The following PLLP variants were observed in gnomAD, a reference collection of about 807,000 sequenced individuals.
PLLP encodes plasmolipin.
In PLLP, 15 loss-of-function variants were observed where a neutral mutation model predicts 19.7. That is an observed-to-expected ratio of 0.76 (90% CI 0.51 to 1.17). The LOEUF is 1.17. Ranked by LOEUF, PLLP falls within the 50% of genes most tolerant of loss-of-function variation. PLLP has a pLI of 0.00. For synonymous variants in PLLP, 111 were observed against 116.3 expected, an observed-to-expected ratio of 0.95 and a Z score of 0.29; for missense variants, 255 against 258.3, an observed-to-expected ratio of 0.99 and a Z score of 0.09.
chr16:57,256,655 TC>T lies in PLLP; in HGVS notation c.*257del. 1 of 467,994 alleles carries T rather than the reference TC, an allele frequency of 2.1e-6. No individual in the cohort carries two copies. The allele number at this position is 467,994 out of a possible 1,614,324, so 29.0% of individuals were successfully genotyped here. A position where few individuals can be genotyped will look rare whatever the true frequency, so the allele number is the denominator to read the frequency against. ...GACAAGGCAGAGACACAGCCTCAGA[TC>T]CCCCGTCATCTTCCACTGAATAAGG... On this transcript the variant is annotated 3_prime_UTR_variant, in exon 4 of 4. Coordinates refer to ENST00000219207, the MANE Select transcript of PLLP (RefSeq NM_015993.3).
intron 1 of PLLP, among the ~76,000 whole-genome samples, chr16:57,281,116 G>C (rs578097728): frequency 6.6e-6 from 1 of 152,314 alleles, no homozygotes; most frequent in Admixed American, 6.5e-5. Context: ...AGAGCTCCTG[G>C]AAAGCAGGCT....
chr16:57,282,482 A>C (rs1901232652), intron 1 of PLLP, among the ~76,000 whole-genome samples: 1 of 151,676 alleles, frequency 6.6e-6, no homozygotes, highest in Non-Finnish European at 1.5e-5. Flanking sequence ...TTCTGGCCAC[A>C]AGCAATCCTC....
At chr16:57,272,074 C>T (rs1279320429) in intron 1 of PLLP, among the ~76,000 whole-genome samples, 1 of 152,210 alleles carries the variant, frequency 6.6e-6, no homozygotes, top group Non-Finnish European at 1.5e-5. Context: ...ACTCCTGCCC[C>T]CGCAACTACC....
At chr16:57,280,945 C>T (rs1901212096) in intron 1 of PLLP, among the ~76,000 whole-genome samples, 1 of 152,238 alleles carries the variant, frequency 6.6e-6, no homozygotes, top group African/African-American at 2.4e-5. Context: ...CTACCCACCT[C>T]CCCTTCCTCC....
intron 1 of PLLP, among the ~76,000 whole-genome samples, chr16:57,270,698 A>G (rs1387894538): frequency 6.6e-6 from 1 of 151,884 alleles, no homozygotes; most frequent in Non-Finnish European, 1.5e-5. Context: ...ACACAGCCAC[A>G]CACCACCCCC....
In PLLP at chr16:57,256,755, G is replaced by T; in HGVS notation, c.*158C>A. ...CTGCCAGCCTGGGCCTGCTTCCTTA[G>T]CGCTGTGAGAGCTTATGTCTGACGG... On this transcript the variant is annotated 3_prime_UTR_variant, in exon 4 of 4. Coordinates refer to ENST00000219207, the MANE Select transcript of PLLP (RefSeq NM_015993.3). The T allele has an allele frequency of 1.7e-6, 1 of 597,616 alleles. No individual in the cohort carries two copies. Among genetic ancestry groups the T allele is most frequent in the Non-Finnish European group, 3.0e-6 (1 of 335,810 alleles). 37.0% of individuals were successfully genotyped at this position (597,616 alleles called of 1,614,324 possible). A position where few individuals can be genotyped will look rare whatever the true frequency, so the allele number is the denominator to read the frequency against.
chr16:57,283,751 G>T (rs981623380), intron 1 of PLLP, among the ~76,000 whole-genome samples: 1 of 152,214 alleles, frequency 6.6e-6, no homozygotes, highest in Non-Finnish European at 1.5e-5. Context: ...TCTCGGTCCC[G>T]TGGGGCTGGC....
At chr16:57,265,430 C>G (rs561610462) in intron 1 of PLLP, among the ~76,000 whole-genome samples, 2 of 152,392 alleles carry the variant, frequency 1.3e-5, no homozygotes, top group Admixed American at 6.5e-5. Context: ...AAAGCCAATT[C>G]CTCATGGGCC....
At chr16:57,278,168 C>T (rs576006941) in intron 1 of PLLP, among the ~76,000 whole-genome samples, 4 of 152,046 alleles carry the variant, frequency 2.6e-5, no homozygotes, top group Non-Finnish European at 5.9e-5. Context: ...GGTGAAGCCC[C>T]GTCTCTACTA....
intron 1 of PLLP, among the ~76,000 whole-genome samples, chr16:57,264,327 G>T (rs1191286400): frequency 1.3e-5 from 2 of 152,248 alleles, no homozygotes; most frequent in Admixed American, 6.5e-5. Context: ...GGGGCCTCGA[G>T]CTTGGAAGTC....
chr16:57,269,424 C>T (rs2075467507), intron 1 of PLLP, among the ~76,000 whole-genome samples: 1 of 152,112 alleles, frequency 6.6e-6, no homozygotes, highest in South Asian at 2.1e-4. Flanking sequence ...GTACAGGGAC[C>T]CTAGGGGGAC....
chr16:57,278,265 G>A (rs1901177776), intron 1 of PLLP, among the ~76,000 whole-genome samples: 2 of 152,114 alleles, frequency 1.3e-5, no homozygotes, highest in South Asian at 2.1e-4. Flanking sequence ...GCGTGAACCC[G>A]GGAGGCGGAG....
intron 1 of PLLP, among the ~76,000 whole-genome samples, chr16:57,274,390 C>A (rs746720366): frequency 6.6e-6 from 1 of 152,168 alleles, no homozygotes; most frequent in Non-Finnish European, 1.5e-5. Flanking sequence ...ATCCAAATAG[C>A]ATATTCAGCA....
intron 1 of PLLP, among the ~76,000 whole-genome samples, chr16:57,264,046 C>T (rs1160541642): frequency 1.3e-5 from 2 of 152,140 alleles, no homozygotes; most frequent in Admixed American, 1.3e-4. Context: ...GAGGGGCTGC[C>T]GCCAGCCCCT....
At chr16:57,266,042 A>G (rs2075456134) in intron 1 of PLLP, among the ~76,000 whole-genome samples, 1 of 152,164 alleles carries the variant, frequency 6.6e-6, no homozygotes. Flanking sequence ...TAAAAATTTT[A>G]AAAGGATAGG....
In PLLP at chr16:57,281,168, C is replaced by T. The variant is rs148976019; in HGVS notation, c.135+3238G>A. 8.8e-3 allele frequency among the ~76,000 whole-genome samples: 1,333 copies of T among 152,304 alleles called. 22 individuals carry two copies. The highest frequency in any genetic ancestry group is 9.0e-3 in the Non-Finnish European group (609 of 68,030). ...CACCACTCCCTCCATAATGACAGAT[C>T]CTGGGAAGGTAGCAGCAAAGCCACA... On this transcript the variant is annotated intron_variant, in intron 1 of 3. Transcript: ENST00000219207.
chr16:57,258,656 T>G, intron 2 of PLLP, 72 bp from the exon 3 acceptor site: 82 of 1,483,432 alleles, frequency 5.5e-5, no homozygotes, highest in Non-Finnish European at 7.0e-5. Flanking sequence ...ACACGGTGGT[T>G]CACACCTGTA....
intron 1 of PLLP, among the ~76,000 whole-genome samples, chr16:57,266,471 AAC>A (rs2075457723): frequency 6.6e-6 from 1 of 152,160 alleles, no homozygotes; most frequent in South Asian, 2.1e-4. Context: ...CAGGGCACCC[AAC>A]ACAGGCCTCG....
At chr16:57,272,517 C>T (rs1293095788) in intron 1 of PLLP, among the ~76,000 whole-genome samples, 1 of 152,214 alleles carries the variant, frequency 6.6e-6, no homozygotes, top group Non-Finnish European at 1.5e-5. Context: ...GCACCCTGGC[C>T]TCGGCCTGCT....
Sources: allele counts gnomAD v4.1 joint callset (sites outside exome capture counted in the v4.1 genomes callset), GRCh38; gene constraint gnomAD v4.1.1; transcripts MANE v1.5; gene names NCBI Gene and HGNC (gene_info 2026-07-23, HGNC 2026-07-21).